The following INPP5B variants were observed in gnomAD, a reference collection of about 807,000 sequenced individuals.
INPP5B encodes the protein inositol polyphosphate-5-phosphatase B.
A neutral mutation model predicts 118.5 loss-of-function variants in INPP5B; 90 were observed. That is an observed-to-expected ratio of 0.76 (90% CI 0.64 to 0.90). The LOEUF (loss-of-function observed/expected upper bound fraction) is 0.90. Among genes scored for constraint, INPP5B ranks in the 40% least tolerant of loss-of-function variants. The pLI, the probability that INPP5B is intolerant of heterozygous loss-of-function variation, is 0.00. For missense variants in INPP5B, 984 were observed against 1,125.6 expected (o/e 0.87, Z 1.80); for synonymous variants, 385 against 418.9 (o/e 0.92, Z 0.99).
intron 14 of INPP5B, among the ~76,000 whole-genome samples, chr1:37,881,151 T>A (rs1424887299): frequency 6.6e-6 from 1 of 152,256 alleles, no homozygotes; most frequent in Non-Finnish European, 1.5e-5. Flanking sequence ...AAACACTTCA[T>A]CTGTGTAGCA....
intron 6 of INPP5B, among the ~76,000 whole-genome samples, chr1:37,938,174 C>G (rs915908614): frequency 3.9e-5 from 6 of 151,908 alleles, no homozygotes; most frequent in African/African-American, 1.4e-4. Flanking sequence ...GAGGCTGAGG[C>G]AGGAGAATCA....
At chr1:37,886,844 A>G (rs770544463) in intron 12 of INPP5B, 44 bp downstream of exon 12, 35 of 1,406,978 alleles carry the variant, frequency 2.5e-5, no homozygotes, top group Non-Finnish European at 3.1e-5. Context: ...ATACCTCAGG[A>G]GCTAAGGTCC....
intron 23 of INPP5B, among the ~76,000 whole-genome samples, chr1:37,863,060 A>C (rs1189831935): frequency 6.6e-6 from 1 of 152,088 alleles, no homozygotes; most frequent in African/African-American, 2.4e-5. Context: ...ATGAGGTTCC[A>C]TGAGCGTGGT....
intron 7 of INPP5B, 86 bp downstream of exon 7, chr1:37,931,827 C>T (rs1570366332): frequency 6.2e-7 from 1 of 1,610,230 alleles, no homozygotes; most frequent in Non-Finnish European, 8.5e-7. Flanking sequence ...TCTTCTCCAT[C>T]GCTCCGCCCC....
intron 8 of INPP5B, among the ~76,000 whole-genome samples, chr1:37,890,558 G>A (rs1401347411): frequency 6.6e-6 from 1 of 152,076 alleles, no homozygotes; most frequent in Non-Finnish European, 1.5e-5. Context: ...ACAGATTCTG[G>A]AGATATTCAG....
At chr1:37,877,863 TATA>T (rs1227793155) in intron 16 of INPP5B, among the ~76,000 whole-genome samples, 5 of 152,258 alleles carry the variant, frequency 3.3e-5, no homozygotes, top group Admixed American at 2.6e-4. Flanking sequence ...GAGCAAAATG[TATA>T]ATATGATCTC....
intron 17 of INPP5B, among the ~76,000 whole-genome samples, chr1:37,874,604 C>G (rs1416722907): frequency 2.0e-5 from 3 of 152,266 alleles, no homozygotes; most frequent in Middle Eastern, 3.4e-3. Flanking sequence ...TCAAGACCAG[C>G]CTGGCCAACA....
intron 7 of INPP5B, chr1:37,930,032 C>A (rs2148659237): frequency 6.6e-6 from 1 of 152,318 alleles, no homozygotes; most frequent in South Asian, 2.1e-4. Context: ...CCACGCCTGG[C>A]TGACAAAATT....
At chr1:37,876,831 G>C (rs1642860097) in intron 16 of INPP5B, among the ~76,000 whole-genome samples, 1 of 151,038 alleles carries the variant, frequency 6.6e-6, no homozygotes, top group Non-Finnish European at 1.5e-5. Context: ...AGTGAGCCGA[G>C]ATGGCGCCAC....
intron 7 of INPP5B, among the ~76,000 whole-genome samples, chr1:37,917,206 T>C (rs1363225426): frequency 7.0e-6 from 1 of 143,582 alleles, no homozygotes; most frequent in African/African-American, 2.6e-5. Context: ...GGAGAATTGC[T>C]TGAACCCGGG....
rs1006634750 is a variant in INPP5B, at chr1:37,865,863, T to C, written c.2412A>G (p.Glu804=). Residue 804 remains glutamate, a synonymous_variant, in exon 22 of 24, where the codon GAA becomes GAG. Transcript: ENST00000373024. The part of the protein sequence containing the change: ...NLSASNHSVA[E]ALLLFLESLP... ...GGCTCTCCAGGAAAAGCAGCAGGGC[T>C]TCGGCTACAGAATGATTGCTGGCAG... The C allele has an allele frequency of 2.5e-6, 4 of 1,613,450 alleles. No homozygotes were observed. Among genetic ancestry groups the C allele is most frequent in the Non-Finnish European group, 3.4e-6 (4 of 1,179,650 alleles).
At chr1:37,918,414 C>T (rs879296988) in intron 7 of INPP5B, among the ~76,000 whole-genome samples, 19 of 152,154 alleles carry the variant, frequency 1.2e-4, no homozygotes, top group African/African-American at 3.9e-4. Flanking sequence ...ACATGCCATC[C>T]GCACTCCTGC....
intron 7 of INPP5B, among the ~76,000 whole-genome samples, chr1:37,896,406 C>T (rs1234360107): frequency 5.3e-5 from 8 of 151,434 alleles, no homozygotes; most frequent in Non-Finnish European, 1.0e-4. Context: ...GCAGCCACCT[C>T]GTCCGGGAGG....
At chr1:37,923,924 C>G (rs930003177) in intron 7 of INPP5B, among the ~76,000 whole-genome samples, 1 of 151,694 alleles carries the variant, frequency 6.6e-6, no homozygotes, top group African/African-American at 2.4e-5. Context: ...ATTACAGACG[C>G]AAGCCACCAC....
Position 37,931,933 on chromosome 1 carries a change from C to G in INPP5B, c.512G>C (p.Gly171Ala). The G allele has an allele frequency of 6.2e-7, 1 of 1,614,046 alleles. No homozygotes were observed. The highest frequency in any genetic ancestry group is 8.5e-7 in the Non-Finnish European group (1 of 1,180,028). ...GCNSALVTWP[G>A]YATIGGGGSN... is the part of the protein sequence containing the mutation. ...CCTGCCTCCGCCAATTGTCGCGTAC[C>G]CTGGCCAGGTAACTAGGGCCGAGTT... The change falls in exon 7 of 24, where the codon GGG (glycine) becomes GCG (alanine). Residue 171 changes from glycine to alanine, a missense_variant. Transcript: ENST00000373024.
At chr1:37,943,750 G>C in intron 4 of INPP5B, 46 bp downstream of exon 4, 1 of 1,611,050 alleles carries the variant, frequency 6.2e-7, no homozygotes, top group Non-Finnish European at 8.5e-7. Context: ...AGATGAGCTG[G>C]GGGGCCCATA....
chr1:37,932,167 T>TGAA (rs1645509086), intron 6 of INPP5B, 114 bp from the exon 7 acceptor site: 1 of 908,972 alleles, frequency 1.1e-6, no homozygotes, highest in Admixed American at 3.6e-5. Context: ...AGAAGGGTTC[T>TGAA]GTGCGCACTG....
chr1:37,877,497 A>G (rs1471690344), intron 16 of INPP5B, among the ~76,000 whole-genome samples: 2 of 152,228 alleles, frequency 1.3e-5, no homozygotes, highest in African/African-American at 4.8e-5. Context: ...GGGAAAATAA[A>G]CTTATACATG....
In INPP5B at chr1:37,936,861, C is replaced by T. The variant is rs149057845; in HGVS notation, c.391+3827G>A. On this transcript the variant is annotated intron_variant, in intron 6 of 23. Transcript: ENST00000373024. ...GGATTACAGGCATGAGCCACCGTGC[C>T]TGGCCTGGAGTAGAACTATATAATC... 3.9e-5 allele frequency among the ~76,000 whole-genome samples: 6 copies of T among 151,934 alleles called. No individual in the cohort carries two copies. The East Asian group carries it at 1.2e-3, about 30-fold the overall frequency.
Sources: allele counts gnomAD v4.1 joint callset (sites outside exome capture counted in the v4.1 genomes callset), GRCh38; gene constraint gnomAD v4.1.1; transcripts MANE v1.5; gene names NCBI Gene and HGNC (gene_info 2026-07-23, HGNC 2026-07-21).